HOOK3: variants seen among roughly 807,000 people sequenced by gnomAD.
The protein encoded by HOOK3 is protein Hook homolog 3.
A neutral mutation model predicts 116.3 loss-of-function variants in HOOK3; 24 were observed. The ratio of observed to expected loss-of-function variants is 0.21; its 90% confidence interval spans 0.15 to 0.29. The LOEUF is 0.29. Ranked by LOEUF, HOOK3 falls within the 10% of genes least tolerant of loss-of-function variation. HOOK3 has a pLI of 1.00. For synonymous variants in HOOK3, 275 were observed against 283.0 expected, an observed-to-expected ratio of 0.97 and a Z score of 0.28; for missense variants, 632 against 830.2, an observed-to-expected ratio of 0.76 and a Z score of 2.93.
chr8:42,936,375 C>T (rs1328574698), intron 4 of HOOK3, among the ~76,000 whole-genome samples: 2 of 152,112 alleles, frequency 1.3e-5, no homozygotes, highest in Admixed American at 1.3e-4. Context: ...TTTGAATATC[C>T]TTTATTTCTT....
intron 16 of HOOK3, among the ~76,000 whole-genome samples, chr8:42,999,920 G>T (rs950130537): frequency 8.5e-5 from 13 of 152,100 alleles, no homozygotes; most frequent in African/African-American, 3.1e-4. Context: ...GCCGAGGCGG[G>T]CAGATCACGA....
chr8:42,964,398 G>C lies in HOOK3; in HGVS notation c.703G>C (p.Asp235His), dbSNP rs1563302551. 6.2e-7 allele frequency: 1 copy of C among 1,614,068 alleles called. No individual in the cohort carries two copies. Among genetic ancestry groups the C allele is most frequent in the Non-Finnish European group, 8.5e-7 (1 of 1,179,958 alleles). ...ERLNQSDSIE[D>H]PNSPAGRRHL... ...ACTCAATCAATCTGATTCTATAGAA[G>C]ACCCTAACAGTCCAGCAGGAAGAAG... The change falls in exon 9 of 22, where the codon GAC becomes CAC. Residue 235 changes from aspartate to histidine, a missense_variant. By Grantham distance (81) the Asp-to-His change is moderately conservative (BLOSUM62 -1). Transcript: ENST00000307602.
chr8:42,908,701 G>A (rs1211460471), intron 2 of HOOK3, among the ~76,000 whole-genome samples: 1 of 152,212 alleles, frequency 6.6e-6, no homozygotes, highest in East Asian at 1.9e-4. Flanking sequence ...TACTGAATTT[G>A]AAAAACTACT....
At position 42,973,355 on chromosome 8, in the gene HOOK3, A is replaced by G; in HGVS notation, c.1189A>G (p.Lys397Glu). 1 of 1,613,186 alleles carries G rather than the reference A, an allele frequency of 6.2e-7. No individual in the cohort carries two copies. Among genetic ancestry groups the G allele is most frequent in the Non-Finnish European group, 8.5e-7 (1 of 1,179,628 alleles). Residue 397 changes from lysine (K) to glutamate (E), a missense_variant, in exon 12 of 22, where the codon AAG (lysine) becomes GAG (glutamate). Physicochemically the swap from Lys to Glu is moderately conservative, Grantham distance 56. Transcript: ENST00000307602. ...AGCAGATAAACTAGATTTTGAATATAAGCGGCTAAAAGAAAAAGTTGACAG... is the reference window on the plus strand; with the variant it reads ...AGCAGATAAACTAGATTTTGAATATGAGCGGCTAAAAGAAAAAGTTGACAG... ...KKADKLDFEY[K>E]RLKEKVDSLQ...
Position 42,986,729 on chromosome 8 carries a change from T to C in HOOK3, c.1466T>C (p.Ile489Thr), listed in dbSNP as rs747967055. 1.1e-5 allele frequency: 17 copies of C among 1,613,762 alleles called. No homozygotes were observed. Among genetic ancestry groups the C allele is most frequent in the Non-Finnish European group, 1.4e-5 (17 of 1,179,838 alleles). Reference protein sequence around the residue: ...LNQEGSDNEKIALLQSLLDDA... With the variant: ...LNQEGSDNEKTALLQSLLDDA... The stretch of plus-strand genomic sequence containing the variant: ...CAAGAAGGTTCGGACAATGAAAAAA[T>C]AGCCTTATTGCAGAGCCTTCTAGAT... Residue 489 changes from isoleucine to threonine, a missense_variant, in exon 15 of 22, where the codon ATA becomes ACA. Coordinates refer to ENST00000307602, the MANE Select transcript of HOOK3 (RefSeq NM_032410.4).
At chr8:43,011,141 T>C (rs376977804) in intron 19 of HOOK3, among the ~76,000 whole-genome samples, 2,551 of 152,054 alleles carry the variant, frequency 0.017, 34 homozygotes, top group South Asian at 0.024. Context: ...TACAGGCGCC[T>C]GCCACCACAC....
intron 19 of HOOK3, among the ~76,000 whole-genome samples, chr8:43,011,646 G>A (rs1344620753): frequency 2.0e-5 from 3 of 152,130 alleles, no homozygotes; most frequent in Non-Finnish European, 4.4e-5. Flanking sequence ...GGTCAAGGCT[G>A]GAGGATTGCT....
chr8:42,926,016 A>G lies in HOOK3; in HGVS notation c.216+387A>G, dbSNP rs13249200. ...TAGAATAGTGCACGTGGTAGTTATA[A>G]TGAGATAACACTGATCATTATTAAC... is the stretch of plus-strand genomic sequence containing the variant. On this transcript the variant is annotated intron_variant, in intron 3 of 21. Coordinates refer to ENST00000307602, the MANE Select transcript of HOOK3 (RefSeq NM_032410.4). Among the ~76,000 whole-genome samples the G allele has an allele frequency of 2.8e-3, 421 of 152,318 alleles. 1 individual carries two copies. The highest frequency in any genetic ancestry group is 4.9e-3 in the Non-Finnish European group (335 of 68,026).
chr8:43,005,214 ATTTTTTT>A (rs1178140233), intron 17 of HOOK3, among the ~76,000 whole-genome samples: 1 of 63,180 alleles, frequency 1.6e-5, no homozygotes. Flanking sequence ...TATATATATA[ATTTTTTT>A]TTTTTTTTTT....
At chr8:42,907,301 G>A (rs142696712) in intron 2 of HOOK3, among the ~76,000 whole-genome samples, 69 of 152,304 alleles carry the variant, frequency 4.5e-4, no homozygotes, top group Non-Finnish European at 8.7e-4. Context: ...GAGCTCAGAT[G>A]CCAACATTTC....
chr8:42,981,224 T>A (rs1228971513), intron 13 of HOOK3, among the ~76,000 whole-genome samples: 1 of 151,630 alleles, frequency 6.6e-6, no homozygotes, highest in East Asian at 2.0e-4. Flanking sequence ...GCTAATTTTT[T>A]GTATTTTTGG....
intron 2 of HOOK3, among the ~76,000 whole-genome samples, chr8:42,907,248 A>G (rs1807327888): frequency 6.6e-6 from 1 of 152,226 alleles, no homozygotes; most frequent in African/African-American, 2.4e-5. Flanking sequence ...TTATTAAATG[A>G]ATTATTGGTT....
intron 4 of HOOK3, among the ~76,000 whole-genome samples, chr8:42,940,420 G>A (rs1223638741): frequency 3.3e-5 from 5 of 152,270 alleles, no homozygotes; most frequent in Non-Finnish European, 7.3e-5. Context: ...GCAGTGAGCC[G>A]AGATGGCAGC....
At chr8:42,903,352 T>C (rs1807234002) in intron 1 of HOOK3, among the ~76,000 whole-genome samples, 1 of 145,450 alleles carries the variant, frequency 6.9e-6, no homozygotes, top group South Asian at 2.2e-4. Context: ...TTTTTTTTTT[T>C]TTTTTTTTTT....
rs760954469 is a variant in HOOK3 at position 42,986,635 on chromosome 8, T to A, written c.1392-20T>A. 1.9e-6 allele frequency: 3 copies of A among 1,595,878 alleles called. No individual in the cohort carries two copies. Among genetic ancestry groups the A allele is most frequent in the Non-Finnish European group, 2.6e-6 (3 of 1,168,778 alleles). On this transcript the variant is annotated intron_variant, in intron 14 of 21. Coordinates refer to ENST00000307602, the MANE Select transcript of HOOK3 (RefSeq NM_032410.4). ...AAATGACTGTGTATATAATATTTAGTTTTTATTTTGTTCATTCAGGGAGAA... is the reference window on the plus strand; with the variant it reads ...AAATGACTGTGTATATAATATTTAGATTTTATTTTGTTCATTCAGGGAGAA...
chr8:42,962,505 C>T (rs984585731), intron 8 of HOOK3, among the ~76,000 whole-genome samples: 15 of 150,388 alleles, frequency 1.0e-4, no homozygotes, highest in Non-Finnish European at 1.8e-4. Context: ...CTCTTGGACT[C>T]GAGTGATCCT....
At chr8:42,928,231 A>C (rs1480834952) in intron 3 of HOOK3, among the ~76,000 whole-genome samples, 1 of 151,992 alleles carries the variant, frequency 6.6e-6, no homozygotes, top group Non-Finnish European at 1.5e-5. Context: ...GTGAGCCAAG[A>C]TGGCGCCACT....
chr8:42,947,970 T>TCAG (rs1554511424), intron 5 of HOOK3, among the ~76,000 whole-genome samples: 1 of 152,192 alleles, frequency 6.6e-6, no homozygotes, highest in Admixed American at 6.5e-5. Context: ...GGATGTTGAC[T>TCAG]CAGTGCACAT....
intron 7 of HOOK3, among the ~76,000 whole-genome samples, chr8:42,957,947 A>G (rs1321271014): frequency 3.3e-5 from 5 of 149,892 alleles, no homozygotes; most frequent in African/African-American, 1.2e-4. Context: ...CTCCTGCCTC[A>G]GCCTCCCAAG....
Sources: gnomAD v4.1 joint callset for allele counts (sites outside exome capture counted in the v4.1 genomes callset) on GRCh38, gnomAD v4.1.1 for gene constraint, MANE v1.5 for transcripts, NCBI Gene and HGNC (gene_info 2026-07-23, HGNC 2026-07-21) for gene names.